Variants in SYNE2 observed in about 807,000 individuals in gnomAD.
The protein encoded by SYNE2 is nesprin-2.
SYNE2 carries 431 observed loss-of-function variants against 856.3 expected under a neutral mutation model. The observed-to-expected ratio is 0.50, with a 90% CI of 0.47 to 0.55. SYNE2 has a LOEUF of 0.55. Among genes scored for constraint, SYNE2 ranks in the 20% least tolerant of loss-of-function variants. The pLI, the probability that SYNE2 is intolerant of heterozygous loss-of-function variation, is 0.00. For synonymous variants in SYNE2, 2,923 were observed against 2,872.3 expected (o/e 1.02, Z -0.56); for missense variants, 8,129 against 8,023.2 (o/e 1.01, Z -0.50).
At chr14:64,088,931 A>C (rs1293250036) in intron 58 of SYNE2, among the ~76,000 whole-genome samples, 3 of 152,244 alleles carry the variant, frequency 2.0e-5, no homozygotes, top group Non-Finnish European at 4.4e-5. Flanking sequence ...AAATTACCCT[A>C]AAATACATTG....
chr14:64,184,612 G>T (rs550707327), intron 96 of SYNE2, among the ~76,000 whole-genome samples: 1 of 152,168 alleles, frequency 6.6e-6, no homozygotes, highest in African/African-American at 2.4e-5. Context: ...GAGGTTTCCA[G>T]ATCTCCAATT....
At chr14:63,817,881 C>T (rs893550733) in intron 1 of SYNE2, among the ~76,000 whole-genome samples, 2 of 151,598 alleles carry the variant, frequency 1.3e-5, no homozygotes, top group African/African-American at 2.4e-5. Flanking sequence ...AAACATTAGT[C>T]GAGCATGGTG....
At chr14:63,769,632 G>A (rs925500620) in intron 1 of SYNE2, among the ~76,000 whole-genome samples, 4 of 133,592 alleles carry the variant, frequency 3.0e-5, no homozygotes, top group African/African-American at 1.1e-4. Flanking sequence ...TCGCGCCACT[G>A]CACTCCAGCC....
At chr14:63,996,415 C>T (rs778023398) in intron 23 of SYNE2, among the ~76,000 whole-genome samples, 9 of 152,218 alleles carry the variant, frequency 5.9e-5, no homozygotes, top group Non-Finnish European at 1.2e-4. Flanking sequence ...ACCCCCAGGA[C>T]AATTCCAGGC....
In SYNE2 at chr14:63,971,119, G is replaced by GGTT. The variant is rs570730249; in HGVS notation, c.1128+3274_1128+3276dup. 4.7e-5 allele frequency among the ~76,000 whole-genome samples: 6 copies of GGTT among 126,526 alleles called. No individual in the cohort carries two copies. In the South Asian group the frequency reaches 1.4e-3, roughly 30 times the overall value. The allele number at this position is 126,526 out of a possible 152,430, so 83.0% of individuals were successfully genotyped here. A position where few individuals can be genotyped will look rare whatever the true frequency, so the allele number is the denominator to read the frequency against. ...TTTACAGTCTACTTAGAGGTTTTTT[G>GGTT]GTTTTTTTTTTTTTGAGACAGGGTC... On this transcript the variant is annotated intron_variant, in intron 11 of 115. Transcript: ENST00000555002.
At chr14:64,099,202 A>C (rs1395222883) in intron 63 of SYNE2, 6 of 280,186 alleles carry the variant, frequency 2.1e-5, no homozygotes, top group South Asian at 1.2e-4. Flanking sequence ...CAGTATTTCC[A>C]ATGACATGAA....
chr14:63,954,965 G>A (rs1239019138), intron 8 of SYNE2, 50 bp downstream of exon 8: 1 of 1,479,650 alleles, frequency 6.8e-7, no homozygotes, highest in South Asian at 1.1e-5. Context: ...TTAGCATGAA[G>A]TTGATTTCAA....
chr14:64,126,740 C>T lies in SYNE2; in HGVS notation c.13850C>T (p.Thr4617Ile), dbSNP rs148582250. 1,526 of 1,614,202 alleles carry T rather than the reference C, an allele frequency of 9.5e-4. 1 individual carries two copies. Among genetic ancestry groups the T allele is most frequent in the Middle Eastern group, 1.3e-3 (8 of 6,062 alleles). The change falls in exon 73 of 116, where the codon ACT becomes ATT. Residue 4617 changes from threonine (T) to isoleucine (I), a missense_variant. Around this residue, in one of 3 missense-constraint regions of SYNE2, gnomAD observed 5,410 missense variants for 5,284.8 expected, o/e 1.02. Coordinates refer to ENST00000555002, the MANE Select transcript of SYNE2 (RefSeq NM_182914.3). ...FDNLQVCLEH[T>I]QAAAVCRSKS... is the part of the protein sequence containing the mutation. ...AACCTTCAAGTCTGCCTGGAGCACA[C>T]TCAGGCTGCAGCTGTCTGTAGAAGC...
At chr14:64,204,773 G>A (rs1453210820) in intron 100 of SYNE2, among the ~76,000 whole-genome samples, 1 of 152,128 alleles carries the variant, frequency 6.6e-6, no homozygotes, top group Non-Finnish European at 1.5e-5. Flanking sequence ...TTCTACTACT[G>A]CTGTAACAAA....
At chr14:64,085,050 G>T in intron 57 of SYNE2, 1 of 701,030 alleles carries the variant, frequency 1.4e-6, no homozygotes, top group South Asian at 1.5e-5. Context: ...GAGTGAGAGA[G>T]AGCTGTCAAG....
chr14:64,104,165 G>T (rs531672486), intron 64 of SYNE2, among the ~76,000 whole-genome samples: 2 of 152,154 alleles, frequency 1.3e-5, no homozygotes, highest in South Asian at 4.2e-4. Context: ...GGCCCCTTTT[G>T]TAATCTTGTT....
intron 1 of SYNE2, among the ~76,000 whole-genome samples, chr14:63,881,042 G>T (rs1284020842): frequency 1.3e-5 from 2 of 151,824 alleles, no homozygotes; most frequent in Middle Eastern, 3.2e-3. Flanking sequence ...TAGAGATAGG[G>T]TTTCACCATA....
chr14:64,077,564 G>A (rs1483449503), intron 54 of SYNE2, among the ~76,000 whole-genome samples: 1 of 152,074 alleles, frequency 6.6e-6, no homozygotes, highest in Non-Finnish European at 1.5e-5. Flanking sequence ...CATTTAGTCT[G>A]TGTTACAGTT....
intron 81 of SYNE2, 51 bp from the exon 82 acceptor site, chr14:64,141,891 T>C: frequency 6.2e-7 from 1 of 1,604,956 alleles, no homozygotes; most frequent in Non-Finnish European, 8.5e-7. Context: ...GATGCTCTGA[T>C]TCATTTTGTT....
chr14:63,946,768 T>C (rs1373711228), intron 6 of SYNE2, among the ~76,000 whole-genome samples: 2 of 151,482 alleles, frequency 1.3e-5, no homozygotes, highest in Non-Finnish European at 2.9e-5. Context: ...GTGGCTTGCT[T>C]TTTCAATCTT....
At chr14:64,007,386 A>G (rs1029787261) in intron 31 of SYNE2, among the ~76,000 whole-genome samples, 164 bp downstream of exon 31, 4 of 152,222 alleles carry the variant, frequency 2.6e-5, no homozygotes, top group African/African-American at 7.2e-5. Context: ...GACAAGACCT[A>G]GAATTGTAGA....
chr14:64,051,020 CAAAA>C (rs202017735), intron 47 of SYNE2, among the ~76,000 whole-genome samples: 1 of 104,564 alleles, frequency 9.6e-6, no homozygotes, highest in African/African-American at 3.3e-5. Flanking sequence ...GACTCTGCCT[CAAAA>C]AAAAAAAAAA....
intron 1 of SYNE2, among the ~76,000 whole-genome samples, chr14:63,880,832 C>G (rs572102476): frequency 6.6e-6 from 1 of 151,184 alleles, no homozygotes; most frequent in East Asian, 1.9e-4. Flanking sequence ...GCCACTGTGA[C>G]TGGCTAATTT....
intron 84 of SYNE2, among the ~76,000 whole-genome samples, chr14:64,151,435 AAAAAAAAAAAAG>A (rs2098241373): frequency 7.2e-6 from 1 of 138,318 alleles, no homozygotes; most frequent in Non-Finnish European, 1.6e-5. Flanking sequence ...AAAAAAAAAA[AAAAAAAAAAAAG>A]CTGGGATCCT....
Sources: gnomAD v4.1 joint callset for allele counts (sites outside exome capture counted in the v4.1 genomes callset) on GRCh38, gnomAD v4.1.1 for gene constraint, gnomAD v4.1.1 regional missense constraint, MANE v1.5 for transcripts, NCBI Gene and HGNC (gene_info 2026-07-23, HGNC 2026-07-21) for gene names.